Variants in MEF2B observed in about 807,000 individuals in gnomAD.
MEF2B encodes the protein myocyte enhancer factor 2B.
MEF2B carries 15 observed loss-of-function variants against 32.2 expected under a neutral mutation model. The ratio of observed to expected loss-of-function variants is 0.47; its 90% CI spans 0.31 to 0.72. MEF2B has a LOEUF of 0.72. MEF2B is among the 30% of genes least tolerant of loss of function. MEF2B has a pLI of 0.05. For synonymous variants in MEF2B, 205 were observed against 225.6 expected (o/e 0.91, Z 0.82); for missense variants, 441 against 511.5 (o/e 0.86, Z 1.33).
intron 3 of MEF2B, 27 bp downstream of exon 3, chr19:19,149,199 G>A: frequency 3.1e-6 from 5 of 1,611,802 alleles, no homozygotes; most frequent in Non-Finnish European, 4.2e-6. Flanking sequence ...GGGGCCTTGT[G>A]GGGCTGGGGA....
At position 19,146,017 on chromosome 19, in the gene MEF2B, C is replaced by T. The variant is rs893528951; in HGVS notation, c.887G>A (p.Gly296Asp). 1.4e-6 allele frequency: 2 copies of T among 1,431,480 alleles called. No individual in the cohort carries two copies. Among genetic ancestry groups the T allele is most frequent in the African/African-American group, 3.0e-5 (2 of 67,416 alleles). 88.7% of individuals were successfully genotyped at this position (1,431,480 alleles called of 1,614,324 possible). A position where few individuals can be genotyped will look rare whatever the true frequency, so the allele number is the denominator to read the frequency against. The change falls in exon 9 of 9, where the codon GGC becomes GAC. Residue 296 changes from glycine to aspartate, a missense_variant. Physicochemically the swap from Gly to Asp is moderately conservative, Grantham distance 94. Transcript: ENST00000424583. ...GGGACCCTCCTCGCCCAGGCTTCGG[C>T]CCCCACTGCAGGGGGAAAGAGAGAG... Reference protein sequence around the residue: ...PPAVSSQPSGGRSLGEEGPPT... With the variant: ...PPAVSSQPSGDRSLGEEGPPT...
rs973847756 is a variant in MEF2B, at chr19:19,147,707, G to A, written c.384C>T (p.Pro128=). Residue 128 remains proline (P), a synonymous_variant, in exon 4 of 9, where the codon CCC becomes CCT. Coordinates refer to ENST00000424583, the MANE Select transcript of MEF2B (RefSeq NM_001145785.2). The stretch of plus-strand genomic sequence containing the variant: ...CCAGGGAGTCACTTACATACAGCCG[G>A]GGTCGGGGCAAGGCCGGATCACCCC... ...GEGGDPALPR[P]RLYPAAPAMP... is the part of the protein sequence containing the mutation. The A allele has an allele frequency of 6.2e-7, 1 of 1,613,546 alleles. No individual in the cohort carries two copies. The highest frequency in any genetic ancestry group is 1.7e-5 in the Admixed American group (1 of 59,960).
At chr19:19,155,920 T>C (rs1428864517) in intron 1 of MEF2B, among the ~76,000 whole-genome samples, 1 of 152,170 alleles carries the variant, frequency 6.6e-6, no homozygotes, top group African/African-American at 2.4e-5. Flanking sequence ...CTGTGGCATC[T>C]GCCCAGCGCA....
intron 1 of MEF2B, among the ~76,000 whole-genome samples, chr19:19,153,150 G>T (rs2060096838): frequency 6.6e-6 from 1 of 152,168 alleles, no homozygotes; most frequent in African/African-American, 2.4e-5. Flanking sequence ...GCAGGGCTGG[G>T]GCTTAGGCCT....
intron 1 of MEF2B, among the ~76,000 whole-genome samples, chr19:19,158,173 C>T (rs1390523426): frequency 2.0e-5 from 3 of 151,530 alleles, no homozygotes; most frequent in Admixed American, 6.6e-5. Flanking sequence ...TTGAAACCTC[C>T]ACTTCCCGAG....
chr19:19,150,398 G>A (rs1032924080), intron 2 of MEF2B, among the ~76,000 whole-genome samples: 7 of 151,766 alleles, frequency 4.6e-5, no homozygotes, highest in Admixed American at 1.3e-4. Context: ...TTGGTGGTGC[G>A]CACCCGTAAT....
rs546609857 is a variant in MEF2B at position 19,146,600 on chromosome 19, C to T, written c.724G>A (p.Gly242Arg). 2.1e-5 allele frequency: 33 copies of T among 1,606,102 alleles called. No homozygotes were observed. The South Asian group carries it at 2.2e-4, about 11-fold the overall frequency. Residue 242 changes from glycine (G) to arginine (R), a missense_variant, in exon 7 of 9, where the codon GGA becomes AGA. Transcript: ENST00000424583. Reference sequence around the variant, plus strand: ...AAGGGGAAGCTCCCCAGTGGGGGTCCGGGAGTTGCAGTGGAGCAGGGGTTC... The same window carrying T: ...AAGGGGAAGCTCCCCAGTGGGGGTCTGGGAGTTGCAGTGGAGCAGGGGTTC... Reference protein sequence around the residue: ...LQNPCSTATPGPPLGSFPFLP... With the variant: ...LQNPCSTATPRPPLGSFPFLP...
At chr19:19,155,433 A>T (rs2060113690) in intron 1 of MEF2B, among the ~76,000 whole-genome samples, 1 of 152,148 alleles carries the variant, frequency 6.6e-6, no homozygotes, top group Non-Finnish European at 1.5e-5. Context: ...ATATATCCAG[A>T]TTTGTCTCCT....
chr19:19,164,225 C>T (rs1016967068), intron 1 of MEF2B, among the ~76,000 whole-genome samples: 2 of 152,146 alleles, frequency 1.3e-5, no homozygotes, highest in Non-Finnish European at 2.9e-5. Flanking sequence ...ACCTCAGCCT[C>T]CCAAAGTGCT....
chr19:19,146,653 G>A lies in MEF2B; in HGVS notation c.676-5C>T, dbSNP rs1318363126. On this transcript the variant is annotated splice_polypyrimidine_tract_variant and splice_region_variant and intron_variant, in intron 6 of 8. Coordinates refer to ENST00000424583, the MANE Select transcript of MEF2B (RefSeq NM_001145785.2). ...CAGGCCACTGTAGAGGCTTCTCTGT[G>A]CGGAGAGAGGGTGAAGGGGAAACTG... The A allele has an allele frequency of 6.2e-7, 1 of 1,613,298 alleles. No individual in the cohort carries two copies. Among genetic ancestry groups the A allele is most frequent in the African/African-American group, 1.3e-5 (1 of 74,892 alleles).
intron 1 of MEF2B, among the ~76,000 whole-genome samples, chr19:19,160,504 G>A (rs2060151881): frequency 6.6e-6 from 1 of 152,108 alleles, no homozygotes; most frequent in Admixed American, 6.6e-5. Flanking sequence ...TGGCACCCCT[G>A]CGGGACTTTA....
intron 1 of MEF2B, among the ~76,000 whole-genome samples, chr19:19,159,332 G>A (rs1197249049): frequency 6.6e-6 from 1 of 151,594 alleles, no homozygotes; most frequent in Non-Finnish European, 1.5e-5. Flanking sequence ...GAGGCGGGAG[G>A]ATCACGTGAG....
In MEF2B at chr19:19,146,336, G is replaced by T; in HGVS notation, c.818C>A (p.Pro273His). Residue 273 changes from proline (P) to histidine (H), a missense_variant, in exon 8 of 9, where the codon CCC (proline) becomes CAC (histidine). Transcript: ENST00000424583. The part of the protein sequence containing the change: ...PPPPPGLLQP[P>H]TLAPWQPSRG... The stretch of plus-strand genomic sequence containing the variant: ...CGAGGGCTGCCAGGGGGCCAGGGTG[G>T]GGGGCTGCAACAAGCCAGGGGGCGG... 4.0e-6 allele frequency: 5 copies of T among 1,234,874 alleles called. No individual in the cohort carries two copies. Among genetic ancestry groups the T allele is most frequent in the South Asian group, 1.8e-5 (1 of 54,494 alleles). 76.5% of individuals were successfully genotyped at this position (1,234,874 alleles called of 1,614,324 possible).
In MEF2B at chr19:19,145,890, G is replaced by T; in HGVS notation, c.1014C>A (p.Pro338=). 6.8e-7 allele frequency: 1 copy of T among 1,464,660 alleles called. No homozygotes were observed. Among genetic ancestry groups the T allele is most frequent in the Non-Finnish European group, 9.0e-7 (1 of 1,106,508 alleles). 90.7% of individuals were successfully genotyped at this position (1,464,660 alleles called of 1,614,324 possible). ...GGGACCGGGCGAGGAGCAAGGGATA[G>T]GGGAAGGTCTTAGGAAAGTCGCCGG... The part of the protein sequence containing the change: ...GGPGDFPKTF[P]YPLLLARSLA... Residue 338 remains proline, a synonymous_variant, in exon 9 of 9, where the codon CCC becomes CCA. Coordinates refer to ENST00000424583, the MANE Select transcript of MEF2B (RefSeq NM_001145785.2). The surrounding 1 kb of genome is among the most constrained non-coding windows in gnomAD (Gnocchi z 4.6).
intron 2 of MEF2B, 48 bp downstream of exon 2, chr19:19,150,634 C>A: frequency 6.2e-7 from 1 of 1,612,790 alleles, no homozygotes; most frequent in South Asian, 1.1e-5. Flanking sequence ...GGCCATGCCC[C>A]CTGCTAGGAA....
chr19:19,149,511 AC>A (rs2146356488), intron 2 of MEF2B, 82 bp from the exon 3 acceptor site: 1 of 1,555,764 alleles, frequency 6.4e-7, no homozygotes, highest in East Asian at 2.3e-5. Context: ...GCAGGGCCTA[AC>A]CCTTCCTCGA....
At chr19:19,147,935 G>T in intron 3 of MEF2B, 103 bp from the exon 4 acceptor site, 1 of 1,482,338 alleles carries the variant, frequency 6.7e-7, no homozygotes, top group Non-Finnish European at 8.9e-7. Flanking sequence ...AGCTCCATGA[G>T]TGGGGAGGAA....
At chr19:19,155,643 C>T (rs533848011) in intron 1 of MEF2B, among the ~76,000 whole-genome samples, 6 of 152,342 alleles carry the variant, frequency 3.9e-5, no homozygotes, top group African/African-American at 1.2e-4. Context: ...TGACCTGTCT[C>T]GGGCCCAGGT....
In MEF2B at chr19:19,146,838, G is replaced by A. The variant is rs1161278635; in HGVS notation, c.579C>T (p.Thr193=). 3 of 1,613,566 alleles carry A rather than the reference G, an allele frequency of 1.9e-6. No individual in the cohort carries two copies. The highest frequency in any genetic ancestry group is 1.7e-6 in the Non-Finnish European group (2 of 1,179,900). Residue 193 remains threonine (T), a synonymous_variant, in exon 6 of 9, where the codon ACC becomes ACT. Transcript: ENST00000424583. ...GGTACAGTGGGGGTGGTGTCTTGCTGGTGAGGTGGCTTGGTGAGAAGAGAG... is the reference window on the plus strand; with the variant it reads ...GGTACAGTGGGGGTGGTGTCTTGCTAGTGAGGTGGCTTGGTGAGAAGAGAG... ...VHPLFSPSHL[T]SKTPPPLYLP... is the part of the protein sequence containing the mutation.
Sources: allele counts gnomAD v4.1 joint callset (sites outside exome capture counted in the v4.1 genomes callset), GRCh38; gene constraint gnomAD v4.1.1; non-coding constraint Gnocchi (gnomAD v3.1); transcripts MANE v1.5; gene names NCBI Gene and HGNC (gene_info 2026-07-23, HGNC 2026-07-21).